Variants in SIVA1 observed in about 807,000 individuals in gnomAD.
SIVA1 encodes SIVA1 apoptosis inducing factor.
Under a neutral mutation model 19.7 loss-of-function variants are expected in SIVA1, and 10 were observed. The observed-to-expected ratio is 0.51, with a 90% CI of 0.31 to 0.86. The LOEUF is 0.86. Among genes scored for constraint, SIVA1 ranks in the 40% least tolerant of loss-of-function variants. SIVA1 has a pLI of 0.04. For missense variants in SIVA1, 241 were observed against 245.2 expected (o/e 0.98, Z 0.11); for synonymous variants, 130 against 106.1 (o/e 1.23, Z -1.39).
In SIVA1 at chr14:104,753,981, G is replaced by A. The variant is rs570969458; in HGVS notation, c.118+662G>A. ...TGTGGGGGCGAGTAGGAGTTAGCCA[G>A]GCAGAGGAAGGGAAGGAAGAGGGCG... On this transcript the variant is annotated intron_variant, in intron 1 of 3. Coordinates refer to ENST00000329967, the MANE Select transcript of SIVA1 (RefSeq NM_006427.4). 34 of 298,308 alleles carry A rather than the reference G, an allele frequency of 1.1e-4. 1 individual carries two copies. Among genetic ancestry groups the A allele is most frequent in the Non-Finnish European group, 2.1e-4 (30 of 141,486 alleles). 18.5% of individuals were successfully genotyped at this position (298,308 alleles called of 1,614,324 possible). A position where few individuals can be genotyped will look rare whatever the true frequency, so the allele number is the denominator to read the frequency against.
At chr14:104,753,581 C>T (rs12887774) in intron 1 of SIVA1, 54,076 of 515,928 alleles carry the variant, frequency 0.1, 3,038 homozygotes, top group Non-Finnish European at 0.12. Context: ...CCCCCGCGCC[C>T]TCTTCCACGA....
intron 3 of SIVA1, chr14:104,757,068 G>A: frequency 2.3e-6 from 1 of 440,484 alleles, no homozygotes. Context: ...TGGTCTTTGA[G>A]CCCCCCCTCC....
At chr14:104,756,306 CAG>C (rs1460552684) in intron 2 of SIVA1, 1 of 508,762 alleles carries the variant, frequency 2.0e-6, no homozygotes, top group Non-Finnish European at 3.6e-6. Flanking sequence ...TGACAAGCAA[CAG>C]GGGAAGAATG....
chr14:104,753,665 C>T (rs1006162930), intron 1 of SIVA1: 10 of 439,208 alleles, frequency 2.3e-5, no homozygotes, highest in African/African-American at 3.9e-5. Context: ...TGCAGGATGT[C>T]CTGGGAGAGG....
At chr14:104,756,540 G>A in intron 2 of SIVA1, 64 bp from the exon 3 acceptor site, 1 of 1,593,792 alleles carries the variant, frequency 6.3e-7, no homozygotes. Context: ...GAGGCAGGTA[G>A]CCCGGCAGTC....
chr14:104,753,423 C>T (rs531125113), intron 1 of SIVA1, 104 bp downstream of exon 1: 7 of 751,268 alleles, frequency 9.3e-6, no homozygotes, highest in Middle Eastern at 3.8e-4. Context: ...GAGGGCCCTG[C>T]TTTCTGGCCC....
intron 1 of SIVA1, chr14:104,753,657 C>T (rs1891784493): frequency 4.5e-6 from 2 of 443,140 alleles, no homozygotes; most frequent in Non-Finnish European, 8.9e-6. Context: ...CTGTCCCGTG[C>T]AGGATGTCCT....
At chr14:104,753,723 C>T (rs576044001) in intron 1 of SIVA1, 7 of 442,496 alleles carry the variant, frequency 1.6e-5, no homozygotes, top group Admixed American at 4.9e-5. Context: ...GAGTGCCCCT[C>T]CTGTCCCAAG....
chr14:104,757,151 G>C (rs1310371416), intron 3 of SIVA1: 1 of 332,766 alleles, frequency 3.0e-6, no homozygotes, highest in Admixed American at 4.4e-5. Context: ...CGTGCCGTTT[G>C]GTTGTAGACC....
chr14:104,755,561 A>T, intron 1 of SIVA1, 69 bp from the exon 2 acceptor site: 3 of 1,346,508 alleles, frequency 2.2e-6, no homozygotes, highest in Non-Finnish European at 3.1e-6. Flanking sequence ...GGCTAGAAAG[A>T]CTCAATGGCC....
At chr14:104,753,421 T>C (rs565618276) in intron 1 of SIVA1, 102 bp downstream of exon 1, 3 of 768,440 alleles carry the variant, frequency 3.9e-6, no homozygotes, top group Non-Finnish European at 6.0e-6. Context: ...TGGAGGGCCC[T>C]GCTTTCTGGC....
At position 104,756,773 on chromosome 14, in the gene SIVA1, G is replaced by T. The variant is rs757944193; in HGVS notation, c.470+13G>T. On this transcript the variant is annotated intron_variant, in intron 3 of 3. Coordinates refer to ENST00000329967, the MANE Select transcript of SIVA1 (RefSeq NM_006427.4). ...GTGGCCTCGTGGAGTAAGTACTTCA[G>T]TCCCTGGAGCTGCTGAGATCCCATA... 12 of 1,601,818 alleles carry T rather than the reference G, an allele frequency of 7.5e-6. No individual in the cohort carries two copies. The Admixed American group carries it at 2.0e-4, about 27-fold the overall frequency.
chr14:104,757,178 G>A (rs1891921483), intron 3 of SIVA1: 3 of 348,428 alleles, frequency 8.6e-6, no homozygotes, highest in South Asian at 6.4e-5. Context: ...GGCAGGAAGT[G>A]GAGTGTTTGT....
At chr14:104,753,908 C>T (rs568925000) in intron 1 of SIVA1, 11 of 358,320 alleles carry the variant, frequency 3.1e-5, no homozygotes, top group Middle Eastern at 3.9e-4. Flanking sequence ...GGCGCACCTG[C>T]AGGGATGGCA....
Position 104,756,665 on chromosome 14 carries a change from G to A in SIVA1, c.375G>A (p.Ala125=), listed in dbSNP as rs200358701. 19 of 1,614,076 alleles carry A rather than the reference G, an allele frequency of 1.2e-5. No homozygotes were observed. The highest frequency in any genetic ancestry group is 5.5e-5 in the South Asian group (5 of 91,094). ...SSCVRAVDGK[A]VCGQCERALC... ...GCGTGCGAGCCGTGGATGGGAAGGC[G>A]GTCTGCGGTCAGTGTGAGCGAGCCC... The change falls in exon 3 of 4, where the codon GCG becomes GCA. Residue 125 remains alanine, a synonymous_variant. Transcript: ENST00000329967.
chr14:104,755,508 T>C, intron 1 of SIVA1, 122 bp from the exon 2 acceptor site: 1 of 874,598 alleles, frequency 1.1e-6, no homozygotes, highest in Non-Finnish European at 1.8e-6. Flanking sequence ...CTGGGGTTAC[T>C]GGGAGACAGA....
intron 3 of SIVA1, chr14:104,757,330 C>A: frequency 4.8e-6 from 2 of 417,014 alleles, no homozygotes; most frequent in Non-Finnish European, 9.6e-6. Context: ...TGCCCTGCCC[C>A]GTGAGAAAGA....
chr14:104,753,187 C>T lies in SIVA1; in HGVS notation c.-15C>T, dbSNP rs745629849. On this transcript the variant is annotated 5_prime_UTR_variant, in exon 1 of 4. Transcript: ENST00000329967. ...CTGGCGGCCGGGGAGCTGCGTAGCTCCCGGCCCCGCGGCCATGCCCAAGCG... is the reference window on the plus strand; with the variant it reads ...CTGGCGGCCGGGGAGCTGCGTAGCTTCCGGCCCCGCGGCCATGCCCAAGCG... 5.2e-6 allele frequency: 8 copies of T among 1,538,546 alleles called. No individual in the cohort carries two copies. The Admixed American group carries it at 5.6e-5, about 11-fold the overall frequency.
chr14:104,756,337 T>G (rs1203609976), intron 2 of SIVA1: 1 of 551,452 alleles, frequency 1.8e-6, no homozygotes, highest in African/African-American at 1.9e-5. Flanking sequence ...AGCACTAGCC[T>G]CCAGGTAGCA....
Sources: allele counts gnomAD v4.1 joint callset, GRCh38; gene constraint gnomAD v4.1.1; transcripts MANE v1.5; gene names NCBI Gene and HGNC (gene_info 2026-07-23, HGNC 2026-07-21).